The following PIK3CB variants were observed in gnomAD, a reference collection of about 807,000 sequenced individuals.
PIK3CB encodes the protein phosphatidylinositol 4,5-bisphosphate 3-kinase catalytic subunit beta isoform.
In PIK3CB, 39 loss-of-function variants were observed where a neutral mutation model predicts 136.8. The ratio of observed to expected loss-of-function variants is 0.29; its 90% confidence interval spans 0.22 to 0.37. The LOEUF (loss-of-function observed/expected upper bound fraction) is 0.37. Ranked by LOEUF, PIK3CB falls within the 10% of genes least tolerant of loss-of-function variation. The pLI, the probability that PIK3CB is intolerant of heterozygous loss-of-function variation, is 1.00. For synonymous variants in PIK3CB, 428 were observed against 436.6 expected, an observed-to-expected ratio of 0.98 and a Z score of 0.25; for missense variants, 868 against 1,275.4, an observed-to-expected ratio of 0.68 and a Z score of 4.87.
chr3:138,719,081 G>T (rs1424025928), intron 8 of PIK3CB, among the ~76,000 whole-genome samples: 1 of 151,962 alleles, frequency 6.6e-6, no homozygotes, highest in African/African-American at 2.4e-5. Flanking sequence ...TAGTCAAAAA[G>T]CCTGGGCACT....
At chr3:138,733,506 A>G in intron 7 of PIK3CB, 68 bp from the exon 8 acceptor site, 1 of 784,768 alleles carries the variant, frequency 1.3e-6, no homozygotes, top group Non-Finnish European at 2.1e-6. Context: ...CTAGCAATGC[A>G]ATTGTCATCA....
chr3:138,776,236 T>A (rs2045857084), intron 2 of PIK3CB, among the ~76,000 whole-genome samples: 1 of 152,122 alleles, frequency 6.6e-6, no homozygotes, highest in South Asian at 2.1e-4. Flanking sequence ...GACATTAGTA[T>A]CCATTTCATA....
At chr3:138,671,203 C>T (rs1029058780) in intron 19 of PIK3CB, among the ~76,000 whole-genome samples, 1 of 151,996 alleles carries the variant, frequency 6.6e-6, no homozygotes, top group African/African-American at 2.4e-5. Flanking sequence ...ATAACATAGC[C>T]CCATAGATAT....
rs1229062874 is a variant in PIK3CB, at chr3:138,654,168, T to C, written c.*1221A>G. On this transcript the variant is annotated 3_prime_UTR_variant, in exon 24 of 24. Transcript: ENST00000674063. The stretch of plus-strand genomic sequence containing the variant: ...TTCTCTTTCCCATATCACCGAGGAT[T>C]GAGAGCTCCCAATATTCTTTGGAGA... 3 of 209,694 alleles carry C rather than the reference T, an allele frequency of 1.4e-5. No individual in the cohort carries two copies. The East Asian group carries it at 2.2e-4, about 15-fold the overall frequency. The allele number at this position is 209,694 out of a possible 1,614,324, so 13.0% of individuals were successfully genotyped here.
At chr3:138,704,614 A>C (rs1312470017) in intron 11 of PIK3CB, 121 bp from the exon 12 acceptor site, 1 of 698,580 alleles carries the variant, frequency 1.4e-6, no homozygotes, top group Non-Finnish European at 2.5e-6. Flanking sequence ...TTGTAACAGA[A>C]ACATGAATTT....
At chr3:138,798,192 T>G (rs920448336) in intron 1 of PIK3CB, among the ~76,000 whole-genome samples, 1 of 152,074 alleles carries the variant, frequency 6.6e-6, no homozygotes, top group Non-Finnish European at 1.5e-5. Context: ...TTTGAGACAG[T>G]CTTACTCTGT....
chr3:138,712,242 T>C lies in PIK3CB; in HGVS notation c.1365A>G (p.Gly455=). Residue 455 remains glycine, a synonymous_variant, in exon 10 of 24, where the codon GGA becomes GGG. Coordinates refer to ENST00000674063, the MANE Select transcript of PIK3CB (RefSeq NM_006219.3). The part of the protein sequence containing the change: ...VFDFKGQLRT[G]DIILHSWSSF... Reference sequence around the variant, plus strand: ...AAGACCAGCTGTGTAATATTATGTCTCCAGTTCTCAATTGTCCTTTAAAGT... The same window carrying C: ...AAGACCAGCTGTGTAATATTATGTCCCCAGTTCTCAATTGTCCTTTAAAGT... 6.3e-7 allele frequency: 1 copy of C among 1,580,308 alleles called. No individual in the cohort carries two copies. Among genetic ancestry groups the C allele is most frequent in the South Asian group, 1.1e-5 (1 of 88,026 alleles).
At chr3:138,700,661 C>T (rs565958279) in intron 12 of PIK3CB, among the ~76,000 whole-genome samples, 1 of 151,784 alleles carries the variant, frequency 6.6e-6, no homozygotes, top group Admixed American at 6.6e-5. Context: ...GCACTCCAGC[C>T]CGGGCAACAG....
At chr3:138,787,787 T>A (rs2045998353) in intron 2 of PIK3CB, among the ~76,000 whole-genome samples, 1 of 151,608 alleles carries the variant, frequency 6.6e-6, no homozygotes, top group Non-Finnish European at 1.5e-5. Context: ...TCCTAAAAGA[T>A]CATATTCATG....
At chr3:138,813,955 G>C (rs1933188601) in intron 1 of PIK3CB, among the ~76,000 whole-genome samples, 1 of 152,104 alleles carries the variant, frequency 6.6e-6, no homozygotes, top group Non-Finnish European at 1.5e-5. Flanking sequence ...GCTGAAAAAG[G>C]CTGAATTAAG....
intron 1 of PIK3CB, among the ~76,000 whole-genome samples, chr3:138,822,711 T>C (rs961526659): frequency 6.6e-6 from 1 of 150,516 alleles, no homozygotes; most frequent in African/African-American, 2.4e-5. Context: ...GCGTGTGGCA[T>C]GCGCCTATAA....
chr3:138,697,900 T>C (rs1015795093), intron 13 of PIK3CB, among the ~76,000 whole-genome samples: 1 of 152,098 alleles, frequency 6.6e-6, no homozygotes, highest in African/African-American at 2.4e-5. Flanking sequence ...GTCCAGCTAA[T>C]GTTTGTATTT....
At chr3:138,770,041 A>C (rs2045780997) in intron 2 of PIK3CB, 1 of 152,108 alleles carries the variant, frequency 6.6e-6, no homozygotes, top group African/African-American at 2.4e-5. Flanking sequence ...ATGTCTTTTC[A>C]CAGGCCTACC....
intron 19 of PIK3CB, among the ~76,000 whole-genome samples, chr3:138,674,928 C>T (rs943459114): frequency 6.6e-6 from 1 of 151,912 alleles, no homozygotes; most frequent in Non-Finnish European, 1.5e-5. Context: ...TTGTAGTGGC[C>T]GCTTGTCATT....
At chr3:138,792,313 T>C (rs1453556151) in intron 2 of PIK3CB, among the ~76,000 whole-genome samples, 4 of 152,012 alleles carry the variant, frequency 2.6e-5, no homozygotes, top group African/African-American at 9.7e-5. Flanking sequence ...ATAACACCTA[T>C]TCACAAGGCA....
intron 8 of PIK3CB, among the ~76,000 whole-genome samples, chr3:138,724,185 G>A (rs2044789503): frequency 6.6e-6 from 1 of 152,098 alleles, no homozygotes; most frequent in Non-Finnish European, 1.5e-5. Context: ...ATCAATCAAG[G>A]GTTCCCACAA....
At chr3:138,805,460 G>A (rs964191030) in intron 1 of PIK3CB, among the ~76,000 whole-genome samples, 6 of 151,946 alleles carry the variant, frequency 3.9e-5, no homozygotes, top group South Asian at 2.1e-4. Context: ...CACGAGGTCA[G>A]GAGATTGAGA....
At chr3:138,681,419 T>C (rs1282623422) in intron 19 of PIK3CB, among the ~76,000 whole-genome samples, 1 of 152,212 alleles carries the variant, frequency 6.6e-6, no homozygotes, top group African/African-American at 2.4e-5. Context: ...GCTCTTTAAA[T>C]ATTTACCCCT....
chr3:138,711,307 G>A (rs767533758), intron 10 of PIK3CB, among the ~76,000 whole-genome samples: 6 of 151,612 alleles, frequency 4.0e-5, no homozygotes, highest in Admixed American at 6.6e-5. Context: ...GGCCAGGCGC[G>A]GTGGCTCACG....
Sources: allele counts gnomAD v4.1 joint callset (sites outside exome capture counted in the v4.1 genomes callset), GRCh38; gene constraint gnomAD v4.1.1; transcripts MANE v1.5; gene names NCBI Gene and HGNC (gene_info 2026-07-23, HGNC 2026-07-21).